SLC14A2: variants seen among roughly 807,000 people sequenced by gnomAD.
SLC14A2 encodes the protein solute carrier family 14 member 2, also known as urea transporter 2.
Under a neutral mutation model 104.6 loss-of-function variants are expected in SLC14A2, and 91 were observed. The observed-to-expected ratio is 0.87, with a 90% CI of 0.73 to 1.04. The LOEUF (loss-of-function observed/expected upper bound fraction) is 1.04. Among genes scored for constraint, SLC14A2 ranks in the 50% least tolerant of loss-of-function variants. SLC14A2 has a pLI of 0.00. For missense variants in SLC14A2, 1,189 were observed against 1,156.0 expected (o/e 1.03, Z -0.41); for synonymous variants, 476 against 466.4 (o/e 1.02, Z -0.27).
chr18:45,631,014 C>T (rs1046773087), intron 4 of SLC14A2, among the ~76,000 whole-genome samples: 1 of 152,216 alleles, frequency 6.6e-6, no homozygotes, highest in African/African-American at 2.4e-5. Flanking sequence ...GGTCCTCCCC[C>T]TTCCAAACCT....
intron 1 of SLC14A2, among the ~76,000 whole-genome samples, chr18:45,338,706 A>C (rs531679156): frequency 1.4e-5 from 2 of 142,922 alleles, no homozygotes; most frequent in East Asian, 2.1e-4. Context: ...AAAAAAAAAA[A>C]AAAAAACTCT....
intron 2 of SLC14A2, among the ~76,000 whole-genome samples, chr18:45,486,124 A>G (rs771858974): frequency 6.6e-6 from 1 of 152,184 alleles, no homozygotes; most frequent in Non-Finnish European, 1.5e-5. Context: ...TCATCATTAG[A>G]ATTCTGCTAC....
At chr18:45,575,789 C>T (rs1201359839) in intron 2 of SLC14A2, among the ~76,000 whole-genome samples, 1 of 143,594 alleles carries the variant, frequency 7.0e-6, no homozygotes, top group African/African-American at 2.6e-5. Flanking sequence ...TTGTCTTGTT[C>T]TTTTTTTTTT....
chr18:45,405,927 A>T (rs922788937), intron 1 of SLC14A2, among the ~76,000 whole-genome samples: 2 of 151,222 alleles, frequency 1.3e-5, no homozygotes, highest in African/African-American at 4.9e-5. Flanking sequence ...GCTAACAGTC[A>T]TCTAAGCTTC....
intron 10 of SLC14A2, 91 bp downstream of exon 10, chr18:45,644,251 C>G: frequency 7.6e-7 from 1 of 1,323,822 alleles, no homozygotes; most frequent in Admixed American, 1.9e-5. Context: ...AGTTGCAGCA[C>G]TCACCTTCTT....
At chr18:45,604,953 G>T (rs2044844640) in intron 2 of SLC14A2, among the ~76,000 whole-genome samples, 1 of 152,076 alleles carries the variant, frequency 6.6e-6, no homozygotes, top group Non-Finnish European at 1.5e-5. Context: ...AATTATTTGG[G>T]CTTCTATTAG....
chr18:45,434,627 G>A (rs563040193), intron 1 of SLC14A2, among the ~76,000 whole-genome samples: 1 of 152,152 alleles, frequency 6.6e-6, no homozygotes. Context: ...TTGTTAGCAG[G>A]TTTACTAACT....
intron 1 of SLC14A2, among the ~76,000 whole-genome samples, chr18:45,333,982 A>C (rs548213719): frequency 6.6e-6 from 1 of 152,322 alleles, no homozygotes; most frequent in African/African-American, 2.4e-5. Flanking sequence ...ATACCATACA[A>C]ACAGGTTCTG....
At chr18:45,621,592 C>A (rs1004352539) in intron 1 of SLC14A2, among the ~76,000 whole-genome samples, 1 of 152,182 alleles carries the variant, frequency 6.6e-6, no homozygotes, top group Non-Finnish European at 1.5e-5. Flanking sequence ...CTTCCTCCCC[C>A]CCACCTCTTC....
At chr18:45,427,380 A>G (rs558364039) in intron 1 of SLC14A2, among the ~76,000 whole-genome samples, 2 of 152,040 alleles carry the variant, frequency 1.3e-5, no homozygotes, top group African/African-American at 2.4e-5. Context: ...ACATTTGCAC[A>G]CCTGCCTGTC....
chr18:45,478,791 A>G (rs2087435335), intron 1 of SLC14A2, among the ~76,000 whole-genome samples: 1 of 152,082 alleles, frequency 6.6e-6, no homozygotes, highest in Non-Finnish European at 1.5e-5. Flanking sequence ...AAAAAAAAAG[A>G]GATTGTCAGT....
intron 1 of SLC14A2, among the ~76,000 whole-genome samples, chr18:45,375,762 T>C (rs955364086): frequency 6.6e-6 from 1 of 152,188 alleles, no homozygotes; most frequent in African/African-American, 2.4e-5. Context: ...CAGGACAGGC[T>C]CTGTGAGCAA....
chr18:45,230,565 T>G (rs1223314433), intron 1 of SLC14A2, among the ~76,000 whole-genome samples: 1 of 152,086 alleles, frequency 6.6e-6, no homozygotes, highest in Non-Finnish European at 1.5e-5. Context: ...TCCAAAAAAA[T>G]CCCCCCAACT....
At chr18:45,431,309 G>C (rs1469203365) in intron 1 of SLC14A2, among the ~76,000 whole-genome samples, 1 of 152,102 alleles carries the variant, frequency 6.6e-6, no homozygotes, top group East Asian at 1.9e-4. Context: ...TGCGTGGTCT[G>C]TGTGTCTGTG....
chr18:45,597,243 C>T (rs1164284385), intron 2 of SLC14A2, among the ~76,000 whole-genome samples: 3 of 152,030 alleles, frequency 2.0e-5, no homozygotes, highest in Non-Finnish European at 2.9e-5. Context: ...AGGAGAATTG[C>T]TTGAACCCAG....
chr18:45,248,193 C>T (rs999760102), intron 1 of SLC14A2, among the ~76,000 whole-genome samples: 3 of 152,144 alleles, frequency 2.0e-5, no homozygotes, highest in African/African-American at 7.2e-5. Context: ...AAAAGCAACA[C>T]CCTCTCTCAG....
At chr18:45,321,872 T>A (rs2085188715) in intron 1 of SLC14A2, among the ~76,000 whole-genome samples, 1 of 152,202 alleles carries the variant, frequency 6.6e-6, no homozygotes, top group African/African-American at 2.4e-5. Flanking sequence ...TTTGGCATGT[T>A]CTGTCTGGCT....
intron 2 of SLC14A2, among the ~76,000 whole-genome samples, chr18:45,572,923 C>T (rs1314582505): frequency 2.0e-5 from 3 of 152,140 alleles, no homozygotes; most frequent in East Asian, 1.9e-4. Flanking sequence ...ATTATTTGAT[C>T]GTTAAGACGA....
chr18:45,325,326 G>C (rs2085224341), intron 1 of SLC14A2, among the ~76,000 whole-genome samples: 1 of 152,190 alleles, frequency 6.6e-6, no homozygotes, highest in East Asian at 1.9e-4. Context: ...TTTTAGATAG[G>C]TGACAGGTTT....
Sources: allele counts gnomAD v4.1 joint callset (sites outside exome capture counted in the v4.1 genomes callset), GRCh38; gene constraint gnomAD v4.1.1; transcripts MANE v1.5; gene names NCBI Gene and HGNC (gene_info 2026-07-23, HGNC 2026-07-21).